Variants in RYR2 observed in about 807,000 individuals in gnomAD.
RYR2 encodes ryanodine receptor 2.
Under a neutral mutation model 601.1 loss-of-function variants are expected in RYR2, and 227 were observed. The observed-to-expected ratio is 0.38, with a 90% CI of 0.34 to 0.42. The LOEUF is 0.42. RYR2 is among the 10% of genes least tolerant of loss of function. RYR2 has a pLI of 1.00. For synonymous variants in RYR2, 2,223 were observed against 2,175.1 expected, an observed-to-expected ratio of 1.02 and a Z score of -0.61; for missense variants, 4,646 against 6,156.5, an observed-to-expected ratio of 0.75 and a Z score of 8.21.
chr1:237,760,849 A>G, intron 83 of RYR2, 106 bp from the exon 84 acceptor site: 1 of 567,798 alleles, frequency 1.8e-6, no homozygotes, highest in Non-Finnish European at 3.1e-6. Context: ...GTACGTTAAC[A>G]TTTGCTTCAT....
In RYR2 at chr1:237,832,754, G is replaced by A. The variant is rs867864296; in HGVS notation, c.*107G>A. The A allele has an allele frequency of 1.4e-4, 83 of 596,806 alleles. No homozygotes were observed. Among genetic ancestry groups the A allele is most frequent in the Middle Eastern group, 7.9e-4 (3 of 3,814 alleles). 37.0% of individuals were successfully genotyped at this position (596,806 alleles called of 1,614,324 possible). A position where few individuals can be genotyped will look rare whatever the true frequency, so the allele number is the denominator to read the frequency against. On this transcript the variant is annotated 3_prime_UTR_variant, in exon 105 of 105. Coordinates refer to ENST00000366574, the MANE Select transcript of RYR2 (RefSeq NM_001035.3). ...TTTGCTGATTTTGTGAATTGCCAGC[G>A]TTGTGTGTTTTCTGGGAGCATCGAA...
chr1:237,091,716 C>T (rs1456806483), intron 1 of RYR2, among the ~76,000 whole-genome samples: 1 of 152,194 alleles, frequency 6.6e-6, no homozygotes, highest in Non-Finnish European at 1.5e-5. Context: ...TGAGCCACTG[C>T]ACCTGACCCA....
chr1:237,463,321 G>T (rs1025652077), intron 16 of RYR2, among the ~76,000 whole-genome samples: 3 of 152,044 alleles, frequency 2.0e-5, no homozygotes, highest in African/African-American at 7.2e-5. Flanking sequence ...CAGGGAATCA[G>T]TATTTGTTGC....
chr1:237,569,665 C>T (rs1296865590), intron 29 of RYR2, among the ~76,000 whole-genome samples: 1 of 152,260 alleles, frequency 6.6e-6, no homozygotes, highest in East Asian at 1.9e-4. Context: ...TCTGTTTATT[C>T]ATCTCATAAA....
rs1289151357 is a variant in RYR2, at chr1:237,430,843, T to C, written c.1005+7595T>C. On this transcript the variant is annotated intron_variant, in intron 12 of 104. Coordinates refer to ENST00000366574, the MANE Select transcript of RYR2 (RefSeq NM_001035.3). ...AACCTTTTTCTCTGAATATCCCTCC[T>C]AATATTCTCTCCATGTTAGAATAGG... Among the ~76,000 whole-genome samples, 3 of 152,332 alleles carry C rather than the reference T, an allele frequency of 2.0e-5. No individual in the cohort carries two copies. In the South Asian group the frequency reaches 6.2e-4, roughly 32 times the overall value.
At chr1:237,726,086 G>A (rs1177778674) in intron 74 of RYR2, among the ~76,000 whole-genome samples, 187 bp from the exon 75 acceptor site, 2 of 152,074 alleles carry the variant, frequency 1.3e-5, no homozygotes, top group Non-Finnish European at 2.9e-5. Context: ...AGAGGGGGAA[G>A]AGCATCACAG....
chr1:237,305,941 G>A (rs966247922), intron 2 of RYR2, among the ~76,000 whole-genome samples: 5 of 152,038 alleles, frequency 3.3e-5, no homozygotes, highest in African/African-American at 1.2e-4. Context: ...TGATACAAAG[G>A]TATTTCAATA....
At chr1:237,259,381 G>T (rs1431084342) in intron 1 of RYR2, among the ~76,000 whole-genome samples, 1 of 151,920 alleles carries the variant, frequency 6.6e-6, no homozygotes, top group Non-Finnish European at 1.5e-5. Flanking sequence ...GGTGCTGTGC[G>T]CCTGTAATCT....
intron 14 of RYR2, among the ~76,000 whole-genome samples, chr1:237,446,717 T>A (rs1207352253): frequency 6.6e-6 from 1 of 152,176 alleles, no homozygotes; most frequent in Non-Finnish European, 1.5e-5. Flanking sequence ...ACATCCTAAG[T>A]GTTTAGTCCA....
chr1:237,151,555 T>C (rs1674708591), intron 1 of RYR2, among the ~76,000 whole-genome samples: 1 of 152,236 alleles, frequency 6.6e-6, no homozygotes, highest in Non-Finnish European at 1.5e-5. Context: ...AGTTAGGAGT[T>C]TGCTACTTGG....
Position 237,754,159 on chromosome 1 carries a change from T to C in RYR2, c.11146-2129T>C, listed in dbSNP as rs533906127. On this transcript the variant is annotated intron_variant, in intron 80 of 104. Coordinates refer to ENST00000366574, the MANE Select transcript of RYR2 (RefSeq NM_001035.3). ...GTATGTCTTTTTGGCTCAATGTTTT[T>C]TTTTTTTTCAAATGACTTTCATCAT... 5.3e-5 allele frequency among the ~76,000 whole-genome samples: 8 copies of C among 152,124 alleles called. No individual in the cohort carries two copies. The East Asian group carries it at 1.4e-3, about 26-fold the overall frequency.
chr1:237,716,249 C>T (rs1689256376), intron 71 of RYR2, among the ~76,000 whole-genome samples: 1 of 152,050 alleles, frequency 6.6e-6, no homozygotes, highest in Non-Finnish European at 1.5e-5. Flanking sequence ...ACTTTACCTT[C>T]TGTTAAGTAA....
intron 1 of RYR2, among the ~76,000 whole-genome samples, chr1:237,089,923 G>A (rs769714477): frequency 2.0e-5 from 3 of 152,182 alleles, no homozygotes; most frequent in Non-Finnish European, 4.4e-5. Flanking sequence ...AGAAATACCC[G>A]AGACTGAATA....
chr1:237,720,788 T>C (rs1689653610), intron 73 of RYR2, among the ~76,000 whole-genome samples: 2 of 152,070 alleles, frequency 1.3e-5, no homozygotes, highest in South Asian at 4.1e-4. Flanking sequence ...TGGGCCAATC[T>C]CAAGAAATGG....
intron 8 of RYR2, among the ~76,000 whole-genome samples, chr1:237,386,254 T>G (rs573798581): frequency 1.3e-5 from 2 of 152,320 alleles, no homozygotes; most frequent in East Asian, 1.9e-4. Flanking sequence ...TTGGTTTTAT[T>G]TTTAAGAGAA....
rs1553503217 is a variant in RYR2 at position 237,565,115 on chromosome 1, T to TTCTTTTTCTTTCTTTC, written c.3215-1451_3215-1450insCTTTTTCTTTCTTTCT. Among the ~76,000 whole-genome samples the TTCTTTTTCTTTCTTTC allele has an allele frequency of 5.5e-3, 48 of 8,770 alleles. 4 individuals carry two copies. Among genetic ancestry groups the TTCTTTTTCTTTCTTTC allele is most frequent in the Admixed American group, 0.015 (6 of 402 alleles). 5.8% of individuals were successfully genotyped at this position (8,770 alleles called of 152,430 possible). On this transcript the variant is annotated intron_variant, in intron 27 of 104. Coordinates refer to ENST00000366574, the MANE Select transcript of RYR2 (RefSeq NM_001035.3). ...CTTCTCTTTTCTTTTCTTTCTTTCT[T>TTCTTTTTCTTTCTTTC]TTTCTTTCTTTCTTTCTTTCTTTCT...
intron 3 of RYR2, among the ~76,000 whole-genome samples, chr1:237,334,276 G>C (rs1001630905): frequency 2.6e-5 from 4 of 152,148 alleles, no homozygotes; most frequent in African/African-American, 7.2e-5. Context: ...AGAAGAAGAT[G>C]TGTAAGATGA....
chr1:237,371,112 C>G (rs1167444344), intron 6 of RYR2, among the ~76,000 whole-genome samples: 1 of 145,776 alleles, frequency 6.9e-6, no homozygotes, highest in Non-Finnish European at 1.5e-5. Flanking sequence ...GTCCTTAAGG[C>G]TTTTTTTTTT....
At chr1:237,677,470 G>T (rs979410063) in intron 60 of RYR2, among the ~76,000 whole-genome samples, 4 of 152,132 alleles carry the variant, frequency 2.6e-5, no homozygotes, top group African/African-American at 9.7e-5. Flanking sequence ...TTTGACATAG[G>T]TCAAAATTTC....
Sources: gnomAD v4.1 joint callset for allele counts (sites outside exome capture counted in the v4.1 genomes callset) on GRCh38, gnomAD v4.1.1 for gene constraint, MANE v1.5 for transcripts, NCBI Gene and HGNC (gene_info 2026-07-23, HGNC 2026-07-21) for gene names.